OSBPL3: variants seen among roughly 807,000 people sequenced by gnomAD.
OSBPL3 encodes oxysterol-binding protein-related protein 3.
Under a neutral mutation model 120.1 loss-of-function variants are expected in OSBPL3, and 65 were observed. The ratio of observed to expected loss-of-function variants is 0.54; its 90% CI spans 0.44 to 0.67. The LOEUF is 0.67. Ranked by LOEUF, OSBPL3 falls within the 30% of genes least tolerant of loss-of-function variation. The probability of loss-of-function intolerance (pLI) is 0.00; values close to 1 mark genes in which losing one functional copy is unlikely to be tolerated. For synonymous variants in OSBPL3, 416 were observed against 402.6 expected, an observed-to-expected ratio of 1.03 and a Z score of -0.40; for missense variants, 1,004 against 1,082.1, an observed-to-expected ratio of 0.93 and a Z score of 1.01.
chr7:24,978,592 CAAGTA>C (rs1258400373), intron 1 of OSBPL3, among the ~76,000 whole-genome samples: 1 of 152,150 alleles, frequency 6.6e-6, no homozygotes, highest in Admixed American at 6.5e-5. Flanking sequence ...CTCCTTTAGC[CAAGTA>C]TAGTCCTTTA....
At chr7:24,909,385 T>A (rs899840627) in intron 1 of OSBPL3, among the ~76,000 whole-genome samples, 2 of 152,150 alleles carry the variant, frequency 1.3e-5, no homozygotes, top group African/African-American at 4.8e-5. Context: ...GAGATACACA[T>A]GTTCCCTGCC....
At chr7:24,887,040 G>A (rs1804630597) in intron 2 of OSBPL3, among the ~76,000 whole-genome samples, 1 of 152,172 alleles carries the variant, frequency 6.6e-6, no homozygotes, top group South Asian at 2.1e-4. Context: ...GATTTACAAT[G>A]AGCAATCTTG....
At position 24,891,242 on chromosome 7, in the gene OSBPL3, C is replaced by T. The variant is rs1245675690; in HGVS notation, c.96+1135G>A. ...TTTTTTTTTTAATTCCAGAAGGAAC[C>T]GATGACAGTGCTGACAAAATTCTCC... On this transcript the variant is annotated intron_variant, in intron 2 of 22. Coordinates refer to ENST00000313367, the MANE Select transcript of OSBPL3 (RefSeq NM_015550.4). This position sits in a 1 kb window ranked among gnomAD's most constrained non-coding sequence, Gnocchi z 4.1. Among the ~76,000 whole-genome samples, 2 of 151,570 alleles carry T rather than the reference C, an allele frequency of 1.3e-5. No homozygotes were observed. Among genetic ancestry groups the T allele is most frequent in the Non-Finnish European group, 2.9e-5 (2 of 67,942 alleles).
In OSBPL3 at chr7:24,817,799, T is replaced by C. The variant is rs76204632; in HGVS notation, c.1949-1111A>G. 7.1e-4 allele frequency among the ~76,000 whole-genome samples: 108 copies of C among 151,798 alleles called. No individual in the cohort carries two copies. The highest frequency in any genetic ancestry group is 2.5e-3 in the African/African-American group (103 of 41,384). On this transcript the variant is annotated intron_variant, in intron 17 of 22. Coordinates refer to ENST00000313367, the MANE Select transcript of OSBPL3 (RefSeq NM_015550.4). The surrounding 1 kb of genome is among the most constrained non-coding windows in gnomAD (Gnocchi z 4.0). ...CCCAGAAATACTAAAGAAGAAGAAA[T>C]AGGCACTAGGTCAACTAGGTGACAA...
rs199778692 is a variant in OSBPL3 at position 24,864,854 on chromosome 7, G to A, written c.673+488C>T. 1.1e-4 allele frequency among the ~76,000 whole-genome samples: 17 copies of A among 152,236 alleles called. No homozygotes were observed. The East Asian group carries it at 2.7e-3, about 24-fold the overall frequency. ...AACTTTGGAAAATTAGTGATATCAG[G>A]GCCCTACCTCAGACCAATTTAAAGA... On this transcript the variant is annotated intron_variant, in intron 7 of 22. Transcript: ENST00000313367.
chr7:24,952,909 T>A lies in OSBPL3; in HGVS notation c.-150+26977A>T, dbSNP rs1814610328. ...TCAGCACTTTAGGGGGCAGAGGTGG[T>A]AGGATCCCTGGAGCCCAGGAGTTCA... On this transcript the variant is annotated intron_variant, in intron 1 of 22. Transcript: ENST00000313367. This position sits in a 1 kb window ranked among gnomAD's most constrained non-coding sequence, Gnocchi z 4.4. 6.6e-6 allele frequency among the ~76,000 whole-genome samples: 1 copy of A among 152,058 alleles called. No homozygotes were observed. Among genetic ancestry groups the A allele is most frequent in the African/African-American group, 2.4e-5 (1 of 41,368 alleles).
intron 1 of OSBPL3, among the ~76,000 whole-genome samples, chr7:24,909,413 A>G (rs1808442300): frequency 6.6e-6 from 1 of 152,156 alleles, no homozygotes; most frequent in Non-Finnish European, 1.5e-5. Flanking sequence ...CATTCCTGAG[A>G]GCTGGGAGGT....
intron 14 of OSBPL3, among the ~76,000 whole-genome samples, chr7:24,838,059 A>G (rs962421485): frequency 4.6e-5 from 7 of 152,222 alleles, no homozygotes; most frequent in South Asian, 2.1e-4. Flanking sequence ...TCTGTATCCA[A>G]TCTTTTCAGT....
Position 24,883,536 on chromosome 7 carries a change from TA to T in OSBPL3, c.96+8840del, listed in dbSNP as rs1804032535. 6.6e-6 allele frequency among the ~76,000 whole-genome samples: 1 copy of T among 152,206 alleles called. No individual in the cohort carries two copies. The highest frequency in any genetic ancestry group is 1.5e-5 in the Non-Finnish European group (1 of 68,038). ...GCCAGGGTTCTGCCTTCCTGTATCTTAAATGTGCCCACTGCCAACCATGAAT... is the reference window on the plus strand; with the variant it reads ...GCCAGGGTTCTGCCTTCCTGTATCTTAATGTGCCCACTGCCAACCATGAAT... On this transcript the variant is annotated intron_variant, in intron 2 of 22. Transcript: ENST00000313367. The surrounding 1 kb of genome is among the most constrained non-coding windows in gnomAD (Gnocchi z 5.4).
intron 1 of OSBPL3, among the ~76,000 whole-genome samples, chr7:24,927,073 T>G (rs531071868): frequency 6.6e-6 from 1 of 152,180 alleles, no homozygotes; most frequent in African/African-American, 2.4e-5. Flanking sequence ...TCAAGCATGC[T>G]ACAAGAGAAA....
At position 24,822,707 on chromosome 7, in the gene OSBPL3, C is replaced by T. The variant is rs776167744; in HGVS notation, c.1885-2469G>A. On this transcript the variant is annotated intron_variant, in intron 16 of 22. Coordinates refer to ENST00000313367, the MANE Select transcript of OSBPL3 (RefSeq NM_015550.4). This position sits in a 1 kb window ranked among gnomAD's most constrained non-coding sequence, Gnocchi z 5.8. ...GTAAACACAGTATATAAAAACCATA[C>T]GCCTCTTCTGTAATAATTTTAAACC... is the stretch of plus-strand genomic sequence containing the variant. Among the ~76,000 whole-genome samples, 11 of 152,188 alleles carry T rather than the reference C, an allele frequency of 7.2e-5. No homozygotes were observed. Among genetic ancestry groups the T allele is most frequent in the African/African-American group, 1.7e-4 (7 of 41,446 alleles).
chr7:24,913,634 C>G lies in OSBPL3; in HGVS notation c.-149-21013G>C, dbSNP rs1473415742. 6.6e-6 allele frequency among the ~76,000 whole-genome samples: 1 copy of G among 152,096 alleles called. No individual in the cohort carries two copies. The highest frequency in any genetic ancestry group is 1.5e-5 in the Non-Finnish European group (1 of 68,028). On this transcript the variant is annotated intron_variant, in intron 1 of 22. Transcript: ENST00000313367. The surrounding 1 kb of genome is among the most constrained non-coding windows in gnomAD (Gnocchi z 5.3). Reference sequence around the variant, plus strand: ...GCACAAAGATGAAAAGACACATGAACCCCTTAAAAACCCTGGAAACATTCC... The same window carrying G: ...GCACAAAGATGAAAAGACACATGAAGCCCTTAAAAACCCTGGAAACATTCC...
Position 24,831,057 on chromosome 7 carries a change from G to T in OSBPL3, c.1747-152C>A. The T allele has an allele frequency of 1.4e-6, 1 of 733,736 alleles. No homozygotes were observed. The highest frequency in any genetic ancestry group is 2.1e-6 in the Non-Finnish European group (1 of 485,732). The allele number at this position is 733,736 out of a possible 1,614,324, so 45.5% of individuals were successfully genotyped here. On this transcript the variant is annotated intron_variant, in intron 15 of 22. Coordinates refer to ENST00000313367, the MANE Select transcript of OSBPL3 (RefSeq NM_015550.4). The surrounding 1 kb of genome is among the most constrained non-coding windows in gnomAD (Gnocchi z 4.0). ...TTTTAAACAACATAGGTTTAAAATT[G>T]TAGGTTTAAATAATGTTTATCTGGG...
chr7:24,842,184 T>C, intron 13 of OSBPL3, 95 bp downstream of exon 13: 2 of 1,291,708 alleles, frequency 1.5e-6, no homozygotes, highest in African/African-American at 1.5e-5. Flanking sequence ...CAACTGAGTT[T>C]AGTGTTTCTG....
At chr7:24,942,602 A>C (rs1813232747) in intron 1 of OSBPL3, among the ~76,000 whole-genome samples, 1 of 152,192 alleles carries the variant, frequency 6.6e-6, no homozygotes, top group Non-Finnish European at 1.5e-5. Context: ...CTGTGTTTCT[A>C]TGGTGATGGC....
chr7:24,903,055 G>C (rs1807301149), intron 1 of OSBPL3, among the ~76,000 whole-genome samples: 1 of 152,218 alleles, frequency 6.6e-6, no homozygotes. Context: ...TAGACAGTAA[G>C]ACAAGGTGCT....
chr7:24,929,824 G>T (rs1245516546), intron 1 of OSBPL3, among the ~76,000 whole-genome samples: 1 of 152,148 alleles, frequency 6.6e-6, no homozygotes, highest in African/African-American at 2.4e-5. Flanking sequence ...GGTCATGTAT[G>T]TTTTGCTCAC....
chr7:24,904,823 G>A (rs1807618840), intron 1 of OSBPL3, among the ~76,000 whole-genome samples: 1 of 151,152 alleles, frequency 6.6e-6, no homozygotes, highest in Non-Finnish European at 1.5e-5. Context: ...ACAGAAAGAA[G>A]AATGGTGGCT....
At chr7:24,981,118 T>G (rs1012476597), upstream of OSBPL3, among the ~76,000 whole-genome samples, 2 of 152,132 alleles carry the variant, frequency 1.3e-5, no homozygotes, top group Non-Finnish European at 2.9e-5. This position sits in a 1 kb window ranked among gnomAD's most constrained non-coding sequence, Gnocchi z 7.3. Flanking sequence ...CTTGCATTTT[T>G]TGTGGAAAGA....
Sources: allele counts gnomAD v4.1 joint callset (sites outside exome capture counted in the v4.1 genomes callset), GRCh38; gene constraint gnomAD v4.1.1; non-coding constraint Gnocchi (gnomAD v3.1); transcripts MANE v1.5; gene names NCBI Gene and HGNC (gene_info 2026-07-23, HGNC 2026-07-21).